The following AGAP1 variants were observed in gnomAD, a reference collection of about 807,000 sequenced individuals.
AGAP1 encodes ArfGAP with GTPase domain, ankyrin repeat and PH domain 1, also known as arf-GAP with GTPase, ANK repeat and PH domain-containing protein 1.
In AGAP1, 29 loss-of-function variants were observed where a neutral mutation model predicts 105.3. The ratio of observed to expected loss-of-function variants is 0.28; its 90% CI spans 0.21 to 0.38. The LOEUF (loss-of-function observed/expected upper bound fraction) is 0.38, where lower values mean the gene tolerates loss of function less well. AGAP1 is among the 10% of genes least tolerant of loss of function. The probability of loss-of-function intolerance (pLI) is 1.00; values close to 1 mark genes in which losing one functional copy is unlikely to be tolerated. For missense variants in AGAP1, 998 were observed against 1,165.1 expected (o/e 0.86, Z 2.09); for synonymous variants, 509 against 485.9 (o/e 1.05, Z -0.63).
intron 1 of AGAP1, among the ~76,000 whole-genome samples, chr2:235,619,470 C>T: frequency 7.0e-6 from 1 of 143,066 alleles, no homozygotes; most frequent in Non-Finnish European, 1.5e-5. Flanking sequence ...GGGATTCAAA[C>T]CTGGGGCTGA....
At chr2:235,585,768 A>G (rs143745905) in intron 1 of AGAP1, among the ~76,000 whole-genome samples, 4 of 152,168 alleles carry the variant, frequency 2.6e-5, no homozygotes, top group African/African-American at 9.6e-5. Flanking sequence ...CAAACCAATC[A>G]CACGCCAACT....
chr2:235,943,494 C>T (rs888439583), intron 12 of AGAP1, among the ~76,000 whole-genome samples: 2 of 150,986 alleles, frequency 1.3e-5, no homozygotes, highest in Non-Finnish European at 2.9e-5. Context: ...GGATTACAGC[C>T]GCATGCCACT....
intron 1 of AGAP1, among the ~76,000 whole-genome samples, chr2:235,511,456 C>T (rs1482331404): frequency 1.3e-5 from 2 of 152,106 alleles, no homozygotes; most frequent in Non-Finnish European, 2.9e-5. Context: ...TTCTAGGAAA[C>T]CGGCTTCTCT....
chr2:236,081,252 G>A (rs1266457483), intron 16 of AGAP1, among the ~76,000 whole-genome samples: 2 of 152,050 alleles, frequency 1.3e-5, no homozygotes, highest in African/African-American at 4.8e-5. Flanking sequence ...CAGGAGGCCG[G>A]GGTCCTGTCC....
In AGAP1 at chr2:235,887,363, A is replaced by G. The variant is rs557469246; in HGVS notation, c.1155+3914A>G. Among the ~76,000 whole-genome samples the G allele has an allele frequency of 6.6e-5, 10 of 152,164 alleles. No individual in the cohort carries two copies. The highest frequency in any genetic ancestry group is 1.3e-4 in the Non-Finnish European group (9 of 67,994). ...TGAAGTGGGGCCTCTCCCTGGTAAC[A>G]CCCTATTGTCTGAACATGGGAACCT... On this transcript the variant is annotated intron_variant, in intron 10 of 17. Coordinates refer to ENST00000304032, the MANE Select transcript of AGAP1 (RefSeq NM_001037131.3). This position sits in a 1 kb window ranked among gnomAD's most constrained non-coding sequence, Gnocchi z 4.1.
intron 16 of AGAP1, among the ~76,000 whole-genome samples, chr2:236,094,620 G>A (rs1341974776): frequency 6.6e-6 from 1 of 151,942 alleles, no homozygotes; most frequent in East Asian, 1.9e-4. Flanking sequence ...CCAAAGCGCT[G>A]GAATTACAGG....
Position 235,874,239 on chromosome 2 carries a change from C to T in AGAP1, c.1051-9106C>T, listed in dbSNP as rs1024531221. ...CTAATTTTTTGCATTTTACTAGAGA[C>T]GGGGTTTCACCATGTTTACCGGGAT... On this transcript the variant is annotated intron_variant, in intron 9 of 17. Coordinates refer to ENST00000304032, the MANE Select transcript of AGAP1 (RefSeq NM_001037131.3). This position sits in a 1 kb window ranked among gnomAD's most constrained non-coding sequence, Gnocchi z 4.5. 4.6e-5 allele frequency among the ~76,000 whole-genome samples: 7 copies of T among 151,992 alleles called. No individual in the cohort carries two copies. Among genetic ancestry groups the T allele is most frequent in the Admixed American group, 3.9e-4 (6 of 15,264 alleles).
In AGAP1 at chr2:235,893,422, T is replaced by G. The variant is rs2050644423; in HGVS notation, c.1155+9973T>G. Reference sequence around the variant, plus strand: ...GTGTAGCGTGTCTTTGGTGTGGGTGTGCCGTGTCCATCATAAGGAAGAGCT... The same window carrying G: ...GTGTAGCGTGTCTTTGGTGTGGGTGGGCCGTGTCCATCATAAGGAAGAGCT... On this transcript the variant is annotated intron_variant, in intron 10 of 17. Coordinates refer to ENST00000304032, the MANE Select transcript of AGAP1 (RefSeq NM_001037131.3). This position sits in a 1 kb window ranked among gnomAD's most constrained non-coding sequence, Gnocchi z 4.7. Among the ~76,000 whole-genome samples the G allele has an allele frequency of 6.7e-6, 1 of 150,246 alleles. No individual in the cohort carries two copies. The highest frequency in any genetic ancestry group is 2.1e-4 in the South Asian group (1 of 4,704).
rs576816368 is a variant in AGAP1 at position 235,731,778 on chromosome 2, A to G, written c.311-9185A>G. Among the ~76,000 whole-genome samples the G allele has an allele frequency of 9.2e-5, 14 of 152,336 alleles. 1 individual carries two copies. The South Asian group carries it at 2.9e-3, about 32-fold the overall frequency. ...GGGAAACAGAGGCACCAGAGGCCAC[A>G]AAAGCTATTCAGGGTCACACAGCCT... On this transcript the variant is annotated intron_variant, in intron 3 of 17. Coordinates refer to ENST00000304032, the MANE Select transcript of AGAP1 (RefSeq NM_001037131.3).
rs2056161987 is a variant in AGAP1 at position 236,002,431 on chromosome 2, G to A, written c.1645+33808G>A. On this transcript the variant is annotated intron_variant, in intron 13 of 17. Coordinates refer to ENST00000304032, the MANE Select transcript of AGAP1 (RefSeq NM_001037131.3). This position sits in a 1 kb window ranked among gnomAD's most constrained non-coding sequence, Gnocchi z 4.3. ...TCTGATTGCACGCATGTGCACATGTGTGAGTAGGGGAGAGGCTGTGTGTTT... is the reference window on the plus strand; with the variant it reads ...TCTGATTGCACGCATGTGCACATGTATGAGTAGGGGAGAGGCTGTGTGTTT... 6.6e-6 allele frequency among the ~76,000 whole-genome samples: 1 copy of A among 152,210 alleles called. No homozygotes were observed. The highest frequency in any genetic ancestry group is 1.5e-5 in the Non-Finnish European group (1 of 68,046).
At chr2:235,684,767 ATGAATAACTTGT>A (rs1268401132) in intron 1 of AGAP1, among the ~76,000 whole-genome samples, 5 of 152,180 alleles carry the variant, frequency 3.3e-5, no homozygotes, top group Non-Finnish European at 1.5e-5. Context: ...GCTGCGTCAG[ATGAATAACTTGT>A]TGGTATCACT....
At chr2:235,605,837 G>A (rs1339542212) in intron 1 of AGAP1, among the ~76,000 whole-genome samples, 2 of 152,184 alleles carry the variant, frequency 1.3e-5, no homozygotes, top group African/African-American at 4.8e-5. Flanking sequence ...CGCGGTGTAC[G>A]CCCTGTGTTG....
In AGAP1 at chr2:235,882,197, T is replaced by A. The variant is rs2050058838; in HGVS notation, c.1051-1148T>A. Among the ~76,000 whole-genome samples the A allele has an allele frequency of 6.6e-6, 1 of 152,148 alleles. No homozygotes were observed. Among genetic ancestry groups the A allele is most frequent in the Admixed American group, 6.5e-5 (1 of 15,270 alleles). The stretch of plus-strand genomic sequence containing the variant: ...TGGGGCAAACCAGAGAATTTGGCAA[T>A]CTGATTGGGGGTGGTCCTTCAGAGA... On this transcript the variant is annotated intron_variant, in intron 9 of 17. Coordinates refer to ENST00000304032, the MANE Select transcript of AGAP1 (RefSeq NM_001037131.3). This position sits in a 1 kb window ranked among gnomAD's most constrained non-coding sequence, Gnocchi z 4.6.
At chr2:235,813,504 T>C (rs879428400) in intron 9 of AGAP1, among the ~76,000 whole-genome samples, 1 of 152,228 alleles carries the variant, frequency 6.6e-6, no homozygotes, top group Non-Finnish European at 1.5e-5. Context: ...TTTATCTCCC[T>C]CGCAGGGCAT....
chr2:235,600,966 G>A lies in AGAP1; in HGVS notation c.163+106117G>A, dbSNP rs983536829. On this transcript the variant is annotated intron_variant, in intron 1 of 17. Transcript: ENST00000304032. This position sits in a 1 kb window ranked among gnomAD's most constrained non-coding sequence, Gnocchi z 4.8. ...GGTGCTCACTTTATTTTTACTGCTT[G>A]TTGTTCTGGCCCCAGATCTCAGAGT... 1.4e-4 allele frequency among the ~76,000 whole-genome samples: 22 copies of A among 152,074 alleles called. No individual in the cohort carries two copies. The highest frequency in any genetic ancestry group is 4.2e-4 in the South Asian group (2 of 4,808).
chr2:235,617,352 AATC>A (rs1946340708), intron 1 of AGAP1, among the ~76,000 whole-genome samples: 1 of 152,202 alleles, frequency 6.6e-6, no homozygotes, highest in African/African-American at 2.4e-5. Flanking sequence ...TAGTGGTTGA[AATC>A]ATGAGGCCCC....
chr2:235,807,307 C>A lies in AGAP1; in HGVS notation c.1026C>A (p.Ser342Arg). 1 of 1,598,498 alleles carries A rather than the reference C, an allele frequency of 6.3e-7. No homozygotes were observed. The highest frequency in any genetic ancestry group is 8.5e-7 in the Non-Finnish European group (1 of 1,175,922). The change falls in exon 9 of 18, where the codon AGC (serine) becomes AGA (arginine). Residue 342 changes from serine to arginine, a missense_variant. This residue lies in a region of AGAP1 where 735 missense variants were observed against 833.4 expected (regional missense o/e 0.88). Coordinates refer to ENST00000304032, the MANE Select transcript of AGAP1 (RefSeq NM_001037131.3). ...AGAGTCGTGCGGACAGCATTGGGAG[C>A]GGCCGAGCCATCCCAATTAAACAGG... Reference protein sequence around the residue: ...GLESRADSIGSGRAIPIKQGM... With the variant: ...GLESRADSIGRGRAIPIKQGM...
intron 5 of AGAP1, among the ~76,000 whole-genome samples, chr2:235,748,105 A>G (rs893957951): frequency 1.6e-4 from 24 of 152,270 alleles, no homozygotes; most frequent in African/African-American, 2.7e-4. Context: ...TTGAGGGAGA[A>G]GCACGATCTG....
At chr2:235,506,414 G>A (rs909950650) in intron 1 of AGAP1, among the ~76,000 whole-genome samples, 12 of 152,086 alleles carry the variant, frequency 7.9e-5, no homozygotes, top group African/African-American at 2.9e-4. Flanking sequence ...AGCTACTTGA[G>A]TGGCTGAGGC....
Sources: allele counts gnomAD v4.1 joint callset (sites outside exome capture counted in the v4.1 genomes callset), GRCh38; gene constraint gnomAD v4.1.1; regional missense constraint gnomAD v4.1.1; non-coding constraint Gnocchi (gnomAD v3.1); transcripts MANE v1.5; gene names NCBI Gene and HGNC (gene_info 2026-07-23, HGNC 2026-07-21).